SPATA18: variants seen among roughly 807,000 people sequenced by gnomAD.
SPATA18 encodes the protein mitochondria-eating protein.
Under a neutral mutation model 68.1 loss-of-function variants are expected in SPATA18, and 54 were observed. The ratio of observed to expected loss-of-function variants is 0.79; its 90% confidence interval spans 0.64 to 0.99. The LOEUF is 0.99. Ranked by LOEUF, SPATA18 falls within the 50% of genes least tolerant of loss-of-function variation. SPATA18 has a pLI of 0.00. For missense variants in SPATA18, 724 were observed against 681.1 expected, an observed-to-expected ratio of 1.06 and a Z score of -0.70; for synonymous variants, 242 against 244.8, an observed-to-expected ratio of 0.99 and a Z score of 0.11.
Position 52,072,297 on chromosome 4 carries a change from G to A in SPATA18, c.758+141G>A, listed in dbSNP as rs1429338168. The A allele has an allele frequency of 2.2e-6, 3 of 1,362,456 alleles. No individual in the cohort carries two copies. The African/African-American group carries it at 4.4e-5, about 20-fold the overall frequency. The allele number at this position is 1,362,456 out of a possible 1,614,324, so 84.4% of individuals were successfully genotyped here. A position where few individuals can be genotyped will look rare whatever the true frequency, so the allele number is the denominator to read the frequency against. On this transcript the variant is annotated intron_variant, in intron 6 of 12. Coordinates refer to ENST00000295213, the MANE Select transcript of SPATA18 (RefSeq NM_145263.4). ...TCTGCCAAGCTTTGAATTGTAAAGG[G>A]ATTGTTTTCTTAACTGCACCCCTTC...
Position 52,095,174 on chromosome 4 carries a change from T to C in SPATA18, c.*287T>C, listed in dbSNP as rs1578212294. 8.5e-6 allele frequency: 4 copies of C among 469,158 alleles called. No individual in the cohort carries two copies. The highest frequency in any genetic ancestry group is 1.5e-5 in the Non-Finnish European group (4 of 266,826). The allele number at this position is 469,158 out of a possible 1,614,324, so 29.1% of individuals were successfully genotyped here. The stretch of plus-strand genomic sequence containing the variant: ...TCGAAGCAAAGTCCGTTACAAAGGT[T>C]CAAGATTTCCATCTCAAAACACTAC... On this transcript the variant is annotated 3_prime_UTR_variant, in exon 13 of 13. Transcript: ENST00000295213.
chr4:52,076,812 T>G lies in SPATA18; in HGVS notation c.792T>G (p.Pro264=), dbSNP rs144574742. ...SSRSRSPSPA[P]RSRSCSRSRS... The stretch of plus-strand genomic sequence containing the variant: ...GGAGCCGGTCTCCCAGCCCTGCCCC[T>G]CGCAGCCGTAGCTGCAGCCGCAGCA... The change falls in exon 7 of 13, where the codon CCT becomes CCG. Residue 264 remains proline, a synonymous_variant. Transcript: ENST00000295213. The G allele has an allele frequency of 5.0e-6, 8 of 1,614,054 alleles. No individual in the cohort carries two copies. In the African/African-American group the frequency reaches 9.3e-5, roughly 19 times the overall value.
chr4:52,077,063 C>T, intron 7 of SPATA18, 23 bp downstream of exon 7: 1 of 1,573,670 alleles, frequency 6.4e-7, no homozygotes, highest in Non-Finnish European at 8.6e-7. Context: ...TGCGGGACTC[C>T]CGGCTCCTTA....
At chr4:52,082,807 T>C in intron 10 of SPATA18, 1 of 1,212,652 alleles carries the variant, frequency 8.2e-7, no homozygotes, top group Non-Finnish European at 1.0e-6. Context: ...ACAAAGCCCT[T>C]TGAAGTTATC....
Position 52,069,822 on chromosome 4 carries a change from C to T in SPATA18, c.424C>T (p.Leu142=), listed in dbSNP as rs905582508. ...RSQCNQVQDD[L]VETEKNLEES... is the part of the protein sequence containing the mutation. ...TTTAGTTACTGATTTATCTTACAGTCTGGTTGAAACTGAAAAGAATCTTGA... is the reference window on the plus strand; with the variant it reads ...TTTAGTTACTGATTTATCTTACAGTTTGGTTGAAACTGAAAAGAATCTTGA... Residue 142 remains leucine, a splice_region_variant and synonymous_variant, in exon 5 of 13, where the codon CTG becomes TTG. Coordinates refer to ENST00000295213, the MANE Select transcript of SPATA18 (RefSeq NM_145263.4). The T allele has an allele frequency of 1.9e-6, 3 of 1,567,270 alleles. No homozygotes were observed. The highest frequency in any genetic ancestry group is 2.6e-6 in the Non-Finnish European group (3 of 1,151,886).
intron 1 of SPATA18, among the ~76,000 whole-genome samples, chr4:52,057,303 T>C (rs1738437055): frequency 6.6e-6 from 1 of 152,144 alleles, no homozygotes; most frequent in Admixed American, 6.6e-5. Context: ...ACAGTATAAT[T>C]AGTCCATATC....
At chr4:52,080,097 T>C (rs560538586) in intron 9 of SPATA18, among the ~76,000 whole-genome samples, 178 bp downstream of exon 9, 3 of 152,190 alleles carry the variant, frequency 2.0e-5, no homozygotes, top group Non-Finnish European at 2.9e-5. Context: ...CCTAGAGTTA[T>C]TTTCCATTGA....
intron 6 of SPATA18, among the ~76,000 whole-genome samples, chr4:52,074,055 TG>T (rs1244456315): frequency 6.6e-6 from 1 of 152,190 alleles, no homozygotes; most frequent in African/African-American, 2.4e-5. Context: ...AGTGATTTCA[TG>T]GTAAGTAAAA....
Position 52,096,053 on chromosome 4 carries a change from A to C in SPATA18, c.*1166A>C, listed in dbSNP as rs946383980. The C allele has an allele frequency of 6.6e-6, 1 of 152,222 alleles. No homozygotes were observed. 9.4% of individuals were successfully genotyped at this position (152,222 alleles called of 1,614,324 possible). ...CTCAGTTTTGCATAAGCTTAGTGCC[A>C]GAACCAGCACCTGATGCTTTTCAGG... On this transcript the variant is annotated 3_prime_UTR_variant, in exon 13 of 13. Transcript: ENST00000295213.
chr4:52,062,398 C>A, intron 4 of SPATA18, 66 bp downstream of exon 4: 4 of 1,143,454 alleles, frequency 3.5e-6, no homozygotes, highest in Non-Finnish European at 5.2e-6. Flanking sequence ...GTTTTAAATT[C>A]GAAAGGAGAA....
At chr4:52,089,968 T>C (rs569067372) in intron 11 of SPATA18, among the ~76,000 whole-genome samples, 58 of 152,340 alleles carry the variant, frequency 3.8e-4, no homozygotes, top group African/African-American at 1.3e-3. Flanking sequence ...TGGGTGCTTC[T>C]GTATTGGGTG....
rs980357912 is a variant in SPATA18 at position 52,095,739 on chromosome 4, TG to T, written c.*853del. 17 of 152,336 alleles carry T rather than the reference TG, an allele frequency of 1.1e-4. No individual in the cohort carries two copies. The highest frequency in any genetic ancestry group is 4.1e-4 in the African/African-American group (17 of 41,588). 9.4% of individuals were successfully genotyped at this position (152,336 alleles called of 1,614,324 possible). A position where few individuals can be genotyped will look rare whatever the true frequency, so the allele number is the denominator to read the frequency against. The stretch of plus-strand genomic sequence containing the variant: ...TCTTCACCTGTTCTACCTAGTTATT[TG>T]CAAATTCAGACCTCCTATTGAACTC... On this transcript the variant is annotated 3_prime_UTR_variant, in exon 13 of 13. Coordinates refer to ENST00000295213, the MANE Select transcript of SPATA18 (RefSeq NM_145263.4).
intron 7 of SPATA18, among the ~76,000 whole-genome samples, chr4:52,078,093 A>AT (rs1740554223): frequency 2.2e-5 from 2 of 89,684 alleles, no homozygotes; most frequent in African/African-American, 7.3e-5. Flanking sequence ...ATGTTTTTAG[A>AT]TTTTTAAAGG....
chr4:52,083,059 G>GAACCTAC (rs1399835121), intron 10 of SPATA18: 2 of 980,370 alleles, frequency 2.0e-6, no homozygotes, highest in African/African-American at 3.6e-5. Context: ...AGAATGTTTT[G>GAACCTAC]AACCTACAGA....
intron 5 of SPATA18, among the ~76,000 whole-genome samples, chr4:52,070,510 A>G (rs538925782): frequency 1.7e-4 from 26 of 148,754 alleles, no homozygotes; most frequent in African/African-American, 6.4e-4. Flanking sequence ...TCCTGAGGGG[A>G]ACATCACACT....
At chr4:52,066,299 C>T (rs1184349292) in intron 4 of SPATA18, among the ~76,000 whole-genome samples, 3 of 151,990 alleles carry the variant, frequency 2.0e-5, no homozygotes, top group South Asian at 2.1e-4. Flanking sequence ...TACAGGCACC[C>T]GCCACCATGC....
chr4:52,082,393 C>T lies in SPATA18; in HGVS notation c.1362C>T (p.Arg454=), dbSNP rs1450950174. ...TTTTGTATATTGAAAACAGATACCG[C>T]CGCAGCTACGACTCGGATTTCACTG... is the stretch of plus-strand genomic sequence containing the variant. The part of the protein sequence containing the change: ...DGEVFNDCKY[R]RSYDSDFTAP... The change falls in exon 10 of 13, where the codon CGC becomes CGT. Residue 454 remains arginine, a synonymous_variant. Transcript: ENST00000295213. The T allele has an allele frequency of 1.2e-6, 2 of 1,613,904 alleles. No homozygotes were observed. Among genetic ancestry groups the T allele is most frequent in the Non-Finnish European group, 1.7e-6 (2 of 1,179,844 alleles).
intron 11 of SPATA18, among the ~76,000 whole-genome samples, chr4:52,086,693 CT>C (rs1303198253): frequency 6.6e-6 from 1 of 152,122 alleles, no homozygotes; most frequent in African/African-American, 2.4e-5. Context: ...GGTTTCAAGT[CT>C]TTGCTTTTGT....
At chr4:52,077,812 T>A (rs1351738480) in intron 7 of SPATA18, among the ~76,000 whole-genome samples, 1 of 152,184 alleles carries the variant, frequency 6.6e-6, no homozygotes, top group Non-Finnish European at 1.5e-5. Context: ...ATTTTAAAAG[T>A]GCACATATGT....
Sources: gnomAD v4.1 joint callset for allele counts (sites outside exome capture counted in the v4.1 genomes callset) on GRCh38, gnomAD v4.1.1 for gene constraint, MANE v1.5 for transcripts, NCBI Gene and HGNC (gene_info 2026-07-23, HGNC 2026-07-21) for gene names.